Variants in ELOA observed in about 807,000 individuals in gnomAD.
ELOA encodes the protein elongin-A.
Under a neutral mutation model 85.2 loss-of-function variants are expected in ELOA, and 15 were observed. The ratio of observed to expected loss-of-function variants is 0.18; its 90% confidence interval spans 0.12 to 0.27. The LOEUF (loss-of-function observed/expected upper bound fraction) is 0.27, where lower values mean the gene tolerates loss of function less well. ELOA is among the 10% of genes least tolerant of loss of function. The pLI is 1.00. For synonymous variants in ELOA, 348 were observed against 357.2 expected (o/e 0.97, Z 0.29); for missense variants, 769 against 952.7 (o/e 0.81, Z 2.54).
Position 23,759,651 on chromosome 1 carries a change from C to T in ELOA, c.*78C>T, listed in dbSNP as rs919606903. On this transcript the variant is annotated 3_prime_UTR_variant, in exon 11 of 11. Transcript: ENST00000613537. ...GTGGGGGTTGGGGAATGGAATTCTA[C>T]AGGAGACTGGAGTCTTGCTTTGTGG... 7.9e-6 allele frequency: 12 copies of T among 1,519,336 alleles called. No individual in the cohort carries two copies. Among genetic ancestry groups the T allele is most frequent in the African/African-American group, 1.4e-5 (1 of 72,904 alleles). The allele number at this position is 1,519,336 out of a possible 1,614,324, so 94.1% of individuals were successfully genotyped here. A position where few individuals can be genotyped will look rare whatever the true frequency, so the allele number is the denominator to read the frequency against.
At chr1:23,744,456 T>C (rs1644737931) in intron 1 of ELOA, among the ~76,000 whole-genome samples, 1 of 152,090 alleles carries the variant, frequency 6.6e-6, no homozygotes, top group Non-Finnish European at 1.5e-5. Flanking sequence ...GATTTTTTTT[T>C]TTCTTTTTTT....
rs565584738 is a variant in ELOA at position 23,744,810 on chromosome 1, G to T, written c.75+1232G>T. On this transcript the variant is annotated intron_variant, in intron 1 of 10. Transcript: ENST00000613537. ...CTCAGTCCTGGTGGAAAAGGAAGTC[G>T]TGGAGGGAGGGCTAGGGCCGTGGGG... 3.8e-4 allele frequency among the ~76,000 whole-genome samples: 58 copies of T among 152,312 alleles called. No individual in the cohort carries two copies. The South Asian group carries it at 8.7e-3, about 23-fold the overall frequency.
chr1:23,757,016 C>T lies in ELOA; in HGVS notation c.2148C>T (p.Asn716=), dbSNP rs754898786. The T allele has an allele frequency of 1.6e-5, 25 of 1,610,802 alleles. No homozygotes were observed. Among genetic ancestry groups the T allele is most frequent in the Non-Finnish European group, 2.1e-5 (25 of 1,178,946 alleles). ...SHASASSISF[N]PSPEEPAYDG... is the part of the protein sequence containing the mutation. Reference sequence around the variant, plus strand: ...CTTCCGCCAGTAGCATCAGCTTTAACCCCAGCCCTGAGGAGCCGGCCTATG... The same window carrying T: ...CTTCCGCCAGTAGCATCAGCTTTAATCCCAGCCCTGAGGAGCCGGCCTATG... The change falls in exon 10 of 11, where the codon AAC becomes AAT. Residue 716 remains asparagine (N), a synonymous_variant. Transcript: ENST00000613537.
At chr1:23,746,309 AACAC>A (rs887119643) in intron 1 of ELOA, among the ~76,000 whole-genome samples, 8 of 149,720 alleles carry the variant, frequency 5.3e-5, no homozygotes, top group East Asian at 1.9e-4. Context: ...AAACAAAAAA[AACAC>A]ACACACACAG....
At chr1:23,758,247 A>ATTTTTTTTTTT (rs1338294015) in intron 10 of ELOA, among the ~76,000 whole-genome samples, 4 of 56,790 alleles carry the variant, frequency 7.0e-5, no homozygotes, top group African/African-American at 2.4e-4. Flanking sequence ...GGGTCTTCCA[A>ATTTTTTTTTTT]TTTATTTATT....
In ELOA at chr1:23,750,984, G is replaced by C. The variant is rs369488205; in HGVS notation, c.379G>C (p.Asp127His). ...KATGSRSYSP[D>H]HRQKKHRKLS... ...CACGGGGAGCCGATCCTATAGCCCT[G>C]ACCACAGGCAGAAGAAACATAGGAA... The change falls in exon 4 of 11, where the codon GAC becomes CAC. Residue 127 changes from aspartate to histidine, a missense_variant. Transcript: ENST00000613537. 2 of 1,614,030 alleles carry C rather than the reference G, an allele frequency of 1.2e-6. No individual in the cohort carries two copies. The highest frequency in any genetic ancestry group is 1.7e-6 in the Non-Finnish European group (2 of 1,180,040).
intron 10 of ELOA, among the ~76,000 whole-genome samples, chr1:23,758,259 AT>A (rs1162019928): frequency 4.9e-3 from 207 of 41,824 alleles, no homozygotes; most frequent in African/African-American, 0.018. Context: ...TTATTTATTT[AT>A]TTTTTTTTTT....
chr1:23,756,387 TA>T lies in ELOA; in HGVS notation c.2084+4del. On this transcript the variant is annotated splice_donor_region_variant and intron_variant, in intron 9 of 10. Coordinates refer to ENST00000613537, the MANE Select transcript of ELOA (RefSeq NM_003198.3). ...AGCAGCTGTCCCTGAGAAAATCAAG[TA>T]AGATCTGTGTTCTTACCTGGCTTTT... is the stretch of plus-strand genomic sequence containing the variant. 6.4e-7 allele frequency: 1 copy of T among 1,565,524 alleles called. No homozygotes were observed. Among genetic ancestry groups the T allele is most frequent in the Non-Finnish European group, 8.7e-7 (1 of 1,154,222 alleles).
intron 5 of ELOA, among the ~76,000 whole-genome samples, chr1:23,752,970 G>A (rs1286984050): frequency 6.6e-6 from 1 of 151,732 alleles, no homozygotes; most frequent in Non-Finnish European, 1.5e-5. Context: ...AAACCACCCT[G>A]GTCAACACAG....
Position 23,754,206 on chromosome 1 carries a change from G to T in ELOA, c.1644G>T (p.Met548Ile). The T allele has an allele frequency of 6.2e-7, 1 of 1,614,204 alleles. No homozygotes were observed. Among genetic ancestry groups the T allele is most frequent in the East Asian group, 2.2e-5 (1 of 44,886 alleles). Residue 548 changes from methionine to isoleucine, a missense_variant, in exon 6 of 11, where the codon ATG becomes ATT. Coordinates refer to ENST00000613537, the MANE Select transcript of ELOA (RefSeq NM_003198.3). Reference protein sequence around the residue: ...SGSKCAYLPKMMTLHQQCIRV... With the variant: ...SGSKCAYLPKIMTLHQQCIRV... ...CCAAGTGTGCCTATCTCCCTAAAAT[G>T]ATGACCTTGCACCAGCAATGCATCC... is the stretch of plus-strand genomic sequence containing the variant.
rs531149846 is a variant in ELOA at position 23,747,897 on chromosome 1, A to G, written c.76-1124A>G. On this transcript the variant is annotated intron_variant, in intron 1 of 10. Transcript: ENST00000613537. ...GCATACCAATTATAGTCTGGGCCAC[A>G]CATGGTAAAAGCAGATCTTGTTATA... 1.2e-3 allele frequency among the ~76,000 whole-genome samples: 188 copies of G among 152,358 alleles called. 2 individuals carry two copies. Among genetic ancestry groups the G allele is most frequent in the African/African-American group, 4.4e-3 (184 of 41,598 alleles).
chr1:23,756,232 C>T (rs1331292932), intron 8 of ELOA, 42 bp from the exon 9 acceptor site: 3 of 1,514,932 alleles, frequency 2.0e-6, no homozygotes, highest in Non-Finnish European at 2.7e-6. Context: ...ACAGTAGCAT[C>T]TCTGCTCAAG....
At position 23,751,272 on chromosome 1, in the gene ELOA, G is replaced by A. The variant is rs775582884; in HGVS notation, c.667G>A (p.Gly223Arg). The A allele has an allele frequency of 1.9e-5, 30 of 1,614,102 alleles. No homozygotes were observed. Among genetic ancestry groups the A allele is most frequent in the Non-Finnish European group, 2.4e-5 (28 of 1,180,052 alleles). Reference protein sequence around the residue: ...GHSNAFQDRLGASQERHLGEP... With the variant: ...GHSNAFQDRLRASQERHLGEP... ...CAGCAATGCCTTTCAGGACAGACTC[G>A]GGGCCAGCCAAGAACGACACCTGGG... Residue 223 changes from glycine to arginine, a missense_variant, in exon 4 of 11, where the codon GGG becomes AGG. Physicochemically the swap from Gly to Arg is moderately radical, Grantham distance 125 (BLOSUM62 -2). Coordinates refer to ENST00000613537, the MANE Select transcript of ELOA (RefSeq NM_003198.3).
At position 23,751,651 on chromosome 1, in the gene ELOA, A is replaced by G; in HGVS notation, c.1046A>G (p.Asp349Gly). 1 of 1,614,192 alleles carries G rather than the reference A, an allele frequency of 6.2e-7. No individual in the cohort carries two copies. Among genetic ancestry groups the G allele is most frequent in the Non-Finnish European group, 8.5e-7 (1 of 1,180,028 alleles). ...DKSKQGLDSF[D>G]TGKGAGDLLP... ...AGCAAGCAAGGTCTGGACAGCTTTG[A>G]CACAGGAAAAGGAGCAGGAGACCTG... Residue 349 changes from aspartate (D) to glycine (G), a missense_variant, in exon 4 of 11, where the codon GAC becomes GGC. This residue lies in a region of ELOA where 440 missense variants were observed against 474.0 expected (regional missense o/e 0.93). Coordinates refer to ENST00000613537, the MANE Select transcript of ELOA (RefSeq NM_003198.3).
rs757797317 is a variant in ELOA, at chr1:23,755,838, T to G, written c.1792-5T>G. ...ACACAAATGATGTCCTGGTTCTGGTTTCAGGTATTAATTGAAGAAACAGAT... is the reference window on the plus strand; with the variant it reads ...ACACAAATGATGTCCTGGTTCTGGTGTCAGGTATTAATTGAAGAAACAGAT... On this transcript the variant is annotated splice_polypyrimidine_tract_variant and splice_region_variant and intron_variant, in intron 7 of 10. Transcript: ENST00000613537. 1.3e-6 allele frequency: 2 copies of G among 1,591,556 alleles called. No homozygotes were observed. Among genetic ancestry groups the G allele is most frequent in the South Asian group, 2.2e-5 (2 of 89,300 alleles).
At chr1:23,743,822 G>A (rs1014671743) in intron 1 of ELOA, among the ~76,000 whole-genome samples, 56 of 152,140 alleles carry the variant, frequency 3.7e-4, no homozygotes, top group Admixed American at 4.6e-4. Flanking sequence ...GGCGCGCCCG[G>A]TGCGGACACC....
intron 5 of ELOA, 93 bp from the exon 6 acceptor site, chr1:23,754,007 G>A: frequency 6.8e-7 from 1 of 1,463,336 alleles, no homozygotes; most frequent in South Asian, 1.3e-5. Context: ...AGCGTGGATT[G>A]CCATTGGGAA....
chr1:23,752,642 C>T (rs190520143), intron 5 of ELOA, 124 bp downstream of exon 5: 14 of 1,045,140 alleles, frequency 1.3e-5, no homozygotes, highest in Admixed American at 1.1e-4. Flanking sequence ...GGATTGCTTG[C>T]GGCCAAGGGT....
intron 1 of ELOA, among the ~76,000 whole-genome samples, chr1:23,746,831 T>A (rs932692226): frequency 6.6e-6 from 1 of 152,220 alleles, no homozygotes; most frequent in African/African-American, 2.4e-5. Flanking sequence ...ATAGTTGGTA[T>A]CTTGTTTGAT....
Sources: allele counts gnomAD v4.1 joint callset (sites outside exome capture counted in the v4.1 genomes callset), GRCh38; gene constraint gnomAD v4.1.1; regional missense constraint gnomAD v4.1.1; transcripts MANE v1.5; gene names NCBI Gene and HGNC (gene_info 2026-07-23, HGNC 2026-07-21).